ST6GALNAC5: variants seen among roughly 807,000 people sequenced by gnomAD.
The protein encoded by ST6GALNAC5 is alpha-N-acetylgalactosaminide alpha-2,6-sialyltransferase 5.
Under a neutral mutation model 33.6 loss-of-function variants are expected in ST6GALNAC5, and 27 were observed. That is an observed-to-expected ratio of 0.80 (90% CI 0.59 to 1.11). The LOEUF (loss-of-function observed/expected upper bound fraction) is 1.11. Among genes scored for constraint, ST6GALNAC5 ranks in the 50% least tolerant of loss-of-function variants. The probability of loss-of-function intolerance (pLI) is 0.00; values close to 1 mark genes in which losing one functional copy is unlikely to be tolerated. For missense variants in ST6GALNAC5, 428 were observed against 454.0 expected (o/e 0.94, Z 0.52); for synonymous variants, 194 against 171.2 (o/e 1.13, Z -1.04).
chr1:76,976,769 G>T (rs1396979435), intron 2 of ST6GALNAC5, among the ~76,000 whole-genome samples: 1 of 151,872 alleles, frequency 6.6e-6, no homozygotes, highest in Admixed American at 6.6e-5. Context: ...ATCATTTACT[G>T]GTTGTGAATT....
At chr1:77,048,710 A>G (rs1359750516) in intron 3 of ST6GALNAC5, among the ~76,000 whole-genome samples, 1 of 152,218 alleles carries the variant, frequency 6.6e-6, no homozygotes, top group Non-Finnish European at 1.5e-5. Flanking sequence ...AGAATGGTGA[A>G]ATTATTTACC....
chr1:76,905,776 T>C (rs544084689), intron 2 of ST6GALNAC5, among the ~76,000 whole-genome samples: 22 of 152,234 alleles, frequency 1.4e-4, no homozygotes, highest in Non-Finnish European at 2.8e-4. Flanking sequence ...GTTCCATGTA[T>C]AAACTATCAA....
intron 2 of ST6GALNAC5, among the ~76,000 whole-genome samples, chr1:77,010,022 G>A (rs1265386145): frequency 6.6e-6 from 1 of 152,112 alleles, no homozygotes; most frequent in African/African-American, 2.4e-5. Context: ...TTTTACCAGT[G>A]ACCATCCATG....
chr1:77,050,070 T>C (rs944526832), intron 3 of ST6GALNAC5, among the ~76,000 whole-genome samples, 188 bp from the exon 4 acceptor site: 1 of 152,198 alleles, frequency 6.6e-6, no homozygotes, highest in Non-Finnish European at 1.5e-5. Context: ...TCAATTATGA[T>C]TGTACTGTGG....
intron 2 of ST6GALNAC5, among the ~76,000 whole-genome samples, chr1:77,032,534 T>C (rs1279531664): frequency 6.6e-6 from 1 of 152,172 alleles, no homozygotes; most frequent in Non-Finnish European, 1.5e-5. Flanking sequence ...CAGGTTATTC[T>C]ACATGGCTCT....
chr1:76,890,683 AC>A (rs1418641191), intron 2 of ST6GALNAC5, among the ~76,000 whole-genome samples: 1 of 152,132 alleles, frequency 6.6e-6, no homozygotes, highest in Non-Finnish European at 1.5e-5. Context: ...TGTATCAATT[AC>A]AAATTTTAAA....
chr1:76,965,567 C>T (rs531237452), intron 2 of ST6GALNAC5, among the ~76,000 whole-genome samples: 14 of 152,300 alleles, frequency 9.2e-5, no homozygotes, highest in African/African-American at 3.4e-4. Flanking sequence ...TTCCCATTCA[C>T]TCTGACAGTA....
chr1:77,061,243 A>T (rs973835360), intron 4 of ST6GALNAC5, among the ~76,000 whole-genome samples: 1 of 152,218 alleles, frequency 6.6e-6, no homozygotes, highest in Non-Finnish European at 1.5e-5. Context: ...AGGATAAGGA[A>T]TGTTTAGATG....
intron 2 of ST6GALNAC5, among the ~76,000 whole-genome samples, chr1:76,978,236 G>A (rs1649100904): frequency 6.6e-6 from 1 of 152,154 alleles, no homozygotes; most frequent in South Asian, 2.1e-4. Context: ...CTTGTTAGAT[G>A]CATAGTTCAC....
chr1:76,876,910 G>A (rs547613278), intron 2 of ST6GALNAC5, among the ~76,000 whole-genome samples: 2 of 152,166 alleles, frequency 1.3e-5, no homozygotes, highest in Non-Finnish European at 2.9e-5. Context: ...GAGAAGGCAG[G>A]GTGGCAAGAA....
intron 2 of ST6GALNAC5, among the ~76,000 whole-genome samples, chr1:76,891,412 T>C (rs981247159): frequency 4.6e-5 from 7 of 152,212 alleles, no homozygotes; most frequent in African/African-American, 1.7e-4. Flanking sequence ...TTATGTCTAT[T>C]CAGATTCTTG....
At chr1:76,976,783 A>G (rs1557744769) in intron 2 of ST6GALNAC5, among the ~76,000 whole-genome samples, 1 of 151,890 alleles carries the variant, frequency 6.6e-6, no homozygotes, top group Non-Finnish European at 1.5e-5. Context: ...GTGAATTTGT[A>G]CCTTCTCCTG....
intron 2 of ST6GALNAC5, among the ~76,000 whole-genome samples, chr1:77,005,323 A>T (rs2100416844): frequency 6.6e-6 from 1 of 152,314 alleles, no homozygotes; most frequent in South Asian, 2.1e-4. Flanking sequence ...TTCCCAAGTG[A>T]GGCAATGCCT....
At chr1:76,917,785 T>C (rs1285107827) in intron 2 of ST6GALNAC5, among the ~76,000 whole-genome samples, 1 of 152,162 alleles carries the variant, frequency 6.6e-6, no homozygotes, top group Non-Finnish European at 1.5e-5. Flanking sequence ...TAAGTTCTGA[T>C]ACAAAGGCTA....
At chr1:76,968,278 C>T (rs1260578880) in intron 2 of ST6GALNAC5, among the ~76,000 whole-genome samples, 1 of 152,132 alleles carries the variant, frequency 6.6e-6, no homozygotes. Flanking sequence ...GTATTGGGTG[C>T]ATATATATTA....
chr1:76,947,877 G>A (rs749774533), intron 2 of ST6GALNAC5, among the ~76,000 whole-genome samples: 17 of 152,050 alleles, frequency 1.1e-4, no homozygotes, highest in African/African-American at 3.1e-4. Flanking sequence ...AAAGATAGCC[G>A]GAGAGGATTG....
intron 2 of ST6GALNAC5, among the ~76,000 whole-genome samples, chr1:76,992,155 G>A (rs1161261336): frequency 6.6e-6 from 1 of 151,936 alleles, no homozygotes; most frequent in Non-Finnish European, 1.5e-5. Context: ...AAGGCACATA[G>A]CTCATGTCTT....
intron 2 of ST6GALNAC5, among the ~76,000 whole-genome samples, chr1:76,948,591 G>C (rs1248966059): frequency 1.1e-5 from 1 of 92,374 alleles, no homozygotes; most frequent in Non-Finnish European, 2.1e-5. Context: ...TGGGGACAGA[G>C]AGAGAGAGAG....
intron 2 of ST6GALNAC5, among the ~76,000 whole-genome samples, chr1:77,040,417 CAGGT>C (rs1233750443): frequency 2.0e-5 from 3 of 152,192 alleles, no homozygotes; most frequent in African/African-American, 7.2e-5. Flanking sequence ...TCAGATTTCT[CAGGT>C]AGCAGAAATC....
Sources: gnomAD v4.1 joint callset for allele counts (sites outside exome capture counted in the v4.1 genomes callset) on GRCh38, gnomAD v4.1.1 for gene constraint, MANE v1.5 for transcripts, NCBI Gene and HGNC (gene_info 2026-07-23, HGNC 2026-07-21) for gene names.